ADGRB3: variants seen among roughly 807,000 people sequenced by gnomAD.
ADGRB3 encodes the protein adhesion G protein-coupled receptor B3.
A neutral mutation model predicts 193.4 loss-of-function variants in ADGRB3; 37 were observed. The observed-to-expected ratio is 0.19, with a 90% CI of 0.15 to 0.25. The LOEUF (loss-of-function observed/expected upper bound fraction) is 0.25. Ranked by LOEUF, ADGRB3 falls within the 10% of genes least tolerant of loss-of-function variation. The pLI, the probability that ADGRB3 is intolerant of heterozygous loss-of-function variation, is 1.00. For missense variants in ADGRB3, 1,637 were observed against 1,852.9 expected, an observed-to-expected ratio of 0.88 and a Z score of 2.14; for synonymous variants, 690 against 644.2, an observed-to-expected ratio of 1.07 and a Z score of -1.08.
intron 3 of ADGRB3, among the ~76,000 whole-genome samples, chr6:68,897,873 A>G (rs1274128444): frequency 6.7e-6 from 1 of 149,578 alleles, no homozygotes; most frequent in Non-Finnish European, 1.5e-5. Context: ...AAAAAGAAAG[A>G]AAGAAAGAAA....
chr6:69,371,662 GT>G (rs923302635), intron 29 of ADGRB3, among the ~76,000 whole-genome samples: 7 of 151,972 alleles, frequency 4.6e-5, no homozygotes, highest in African/African-American at 1.7e-4. Context: ...TTGTAATCCT[GT>G]TTTCTGGTTG....
At chr6:69,041,286 A>G (rs920862175) in intron 13 of ADGRB3, among the ~76,000 whole-genome samples, 3 of 152,176 alleles carry the variant, frequency 2.0e-5, no homozygotes, top group African/African-American at 7.2e-5. Context: ...CACTGTTGCA[A>G]AATCCTAAAA....
At chr6:69,080,482 A>G (rs1454311578) in intron 17 of ADGRB3, among the ~76,000 whole-genome samples, 4 of 152,004 alleles carry the variant, frequency 2.6e-5, no homozygotes, top group African/African-American at 9.7e-5. Context: ...ATACAGGAGC[A>G]AAAAGAACAA....
At chr6:68,880,785 G>C (rs1765711231) in intron 3 of ADGRB3, among the ~76,000 whole-genome samples, 1 of 144,064 alleles carries the variant, frequency 6.9e-6, no homozygotes, top group South Asian at 2.2e-4. Flanking sequence ...AATATATATA[G>C]TTCATTCACA....
chr6:68,789,666 A>G (rs897784978), intron 3 of ADGRB3, among the ~76,000 whole-genome samples: 1 of 151,894 alleles, frequency 6.6e-6, no homozygotes, highest in South Asian at 2.1e-4. Context: ...TCTTTGTGGC[A>G]TTCTCTGTAT....
intron 3 of ADGRB3, among the ~76,000 whole-genome samples, chr6:68,753,474 A>G (rs1766240810): frequency 6.6e-6 from 1 of 152,182 alleles, no homozygotes; most frequent in African/African-American, 2.4e-5. Flanking sequence ...CCTATGGAAT[A>G]TTTCTGAACA....
At chr6:68,684,189 G>A (rs1764944292) in intron 3 of ADGRB3, among the ~76,000 whole-genome samples, 1 of 152,108 alleles carries the variant, frequency 6.6e-6, no homozygotes, top group African/African-American at 2.4e-5. Flanking sequence ...TTCCTGTATA[G>A]TCTTGATAGC....
chr6:69,213,907 T>C (rs1765718427), intron 17 of ADGRB3, among the ~76,000 whole-genome samples: 1 of 152,164 alleles, frequency 6.6e-6, no homozygotes, highest in Non-Finnish European at 1.5e-5. Context: ...AGTTATATAT[T>C]GTGATTCCAA....
At chr6:68,770,064 TAGAA>T (rs1240893120) in intron 3 of ADGRB3, among the ~76,000 whole-genome samples, 2 of 152,154 alleles carry the variant, frequency 1.3e-5, no homozygotes, top group African/African-American at 4.8e-5. Flanking sequence ...ATTATCTTAA[TAGAA>T]AGAGAAAAAG....
Position 69,039,064 on chromosome 6 carries a change from T to A in ADGRB3, c.2108-9121T>A, listed in dbSNP as rs960645856. Among the ~76,000 whole-genome samples, 5 of 152,168 alleles carry A rather than the reference T, an allele frequency of 3.3e-5. 1 individual carries two copies. The highest frequency in any genetic ancestry group is 7.2e-5 in the African/African-American group (3 of 41,448). ...CCACACTGTCTATTCTATGCCCCCA[T>A]TAGTCACTTAGTAGCCAGCATGTTT... is the stretch of plus-strand genomic sequence containing the variant. On this transcript the variant is annotated intron_variant, in intron 13 of 31. Coordinates refer to ENST00000370598, the MANE Select transcript of ADGRB3 (RefSeq NM_001704.3).
chr6:69,147,791 C>T (rs1330579589), intron 17 of ADGRB3, among the ~76,000 whole-genome samples: 4 of 152,126 alleles, frequency 2.6e-5, no homozygotes, highest in African/African-American at 9.7e-5. Context: ...CACTTTAGCT[C>T]TAATAATATT....
At chr6:69,095,246 T>C (rs993500083) in intron 17 of ADGRB3, among the ~76,000 whole-genome samples, 4 of 152,210 alleles carry the variant, frequency 2.6e-5, no homozygotes, top group Admixed American at 2.0e-4. Context: ...ATTTACTGAA[T>C]TGTTTTTGAA....
At chr6:68,897,940 C>T (rs1766285262) in intron 3 of ADGRB3, among the ~76,000 whole-genome samples, 2 of 142,754 alleles carry the variant, frequency 1.4e-5, no homozygotes, top group Admixed American at 7.0e-5. Context: ...GAAACAGAAA[C>T]AAATATATAT....
Position 69,129,080 on chromosome 6 carries a change from G to A in ADGRB3, c.2480+53042G>A, listed in dbSNP as rs916754535. On this transcript the variant is annotated intron_variant, in intron 17 of 31. Coordinates refer to ENST00000370598, the MANE Select transcript of ADGRB3 (RefSeq NM_001704.3). ...AATGTAAATTGCTTTTGATACTTAC[G>A]AACAGTAGCCATGTTTTAACCCTCT... is the stretch of plus-strand genomic sequence containing the variant. Among the ~76,000 whole-genome samples the A allele has an allele frequency of 4.6e-5, 7 of 152,060 alleles. No individual in the cohort carries two copies. In the East Asian group the frequency reaches 5.8e-4, roughly 13 times the overall value.
chr6:69,173,618 A>T (rs1417385768), intron 17 of ADGRB3, among the ~76,000 whole-genome samples: 2 of 152,000 alleles, frequency 1.3e-5, no homozygotes, highest in Non-Finnish European at 2.9e-5. Context: ...AATGGAAAGG[A>T]TATTATAATA....
At chr6:69,163,231 G>A (rs564692387) in intron 17 of ADGRB3, among the ~76,000 whole-genome samples, 3 of 152,208 alleles carry the variant, frequency 2.0e-5, no homozygotes, top group Non-Finnish European at 4.4e-5. Context: ...TCCCCAGACA[G>A]AAGCTCAAGT....
chr6:68,684,368 CA>C (rs1233748811), intron 3 of ADGRB3, among the ~76,000 whole-genome samples: 1 of 152,170 alleles, frequency 6.6e-6, no homozygotes, highest in East Asian at 1.9e-4. Context: ...TGCATTGTTA[CA>C]GTTTAAACTA....
rs564248706 is a variant in ADGRB3, at chr6:68,846,346, G to T, written c.758-84213G>T. On this transcript the variant is annotated intron_variant, in intron 3 of 31. Transcript: ENST00000370598. ...TGGGGAGAAATTCAAGCTGGCTGCA[G>T]AAATTTGCATAAATAGCAAGGAGCC... is the stretch of plus-strand genomic sequence containing the variant. 1.1e-4 allele frequency among the ~76,000 whole-genome samples: 17 copies of T among 152,342 alleles called. No individual in the cohort carries two copies. In the South Asian group the frequency reaches 3.1e-3, roughly 28 times the overall value.
At chr6:69,121,977 C>A (rs1260856010) in intron 17 of ADGRB3, among the ~76,000 whole-genome samples, 1 of 51,142 alleles carries the variant, frequency 2.0e-5, no homozygotes, top group Admixed American at 2.6e-4. Flanking sequence ...AGACGATGGG[C>A]GGCCAGGCAG....
Sources: gnomAD v4.1 joint callset for allele counts (sites outside exome capture counted in the v4.1 genomes callset) on GRCh38, gnomAD v4.1.1 for gene constraint, MANE v1.5 for transcripts, NCBI Gene and HGNC (gene_info 2026-07-23, HGNC 2026-07-21) for gene names.